Variants in ANXA2 observed in about 807,000 individuals in gnomAD.
ANXA2 encodes annexin A2.
In ANXA2, 28 loss-of-function variants were observed where a neutral mutation model predicts 47.3. The observed-to-expected ratio is 0.59, with a 90% CI of 0.44 to 0.81. ANXA2 has a LOEUF of 0.81. Ranked by LOEUF, ANXA2 falls within the 40% of genes least tolerant of loss-of-function variation. The pLI is 0.00. For synonymous variants in ANXA2, 172 were observed against 155.5 expected (o/e 1.11, Z -0.79); for missense variants, 384 against 414.3 (o/e 0.93, Z 0.64).
chr15:60,364,522 A>C lies in ANXA2; in HGVS notation c.150T>G (p.Gly50=). The change falls in exon 4 of 13, where the codon GGT becomes GGG. Residue 50 remains glycine (G), a splice_region_variant and synonymous_variant. Transcript: ENST00000451270. The stretch of plus-strand genomic sequence containing the variant: ...TGTTGACAATGGTGACCTCATCCAC[A>C]CCTATGGAAATACAAGTTGTTAATC... ...LNIETAIKTK[G]VDEVTIVNIL... 1 of 1,607,610 alleles carries C rather than the reference A, an allele frequency of 6.2e-7. No individual in the cohort carries two copies. Among genetic ancestry groups the C allele is most frequent in the Non-Finnish European group, 8.5e-7 (1 of 1,178,092 alleles).
chr15:60,361,015 G>A lies in ANXA2; in HGVS notation c.283C>T (p.Leu95=). Residue 95 remains leucine, a synonymous_variant, in exon 5 of 13, where the codon CTG becomes TTG. Coordinates refer to ENST00000451270, the MANE Select transcript of ANXA2 (RefSeq NM_004039.3). ...SALKSALSGH[L]ETVILGLLKT... is the part of the protein sequence containing the mutation. The stretch of plus-strand genomic sequence containing the variant: ...AATAGGCCCAAAATCACCGTCTCCA[G>A]GTGGCCAGATAAGGCTGACTTCAGT... 6 of 1,613,832 alleles carry A rather than the reference G, an allele frequency of 3.7e-6. No homozygotes were observed. The highest frequency in any genetic ancestry group is 5.1e-6 in the Non-Finnish European group (6 of 1,179,720).
chr15:60,366,083 GC>G (rs1413817647), intron 3 of ANXA2, among the ~76,000 whole-genome samples: 1 of 128,016 alleles, frequency 7.8e-6, no homozygotes, highest in Non-Finnish European at 1.7e-5. Context: ...GCTCCTAACC[GC>G]GAGTGATCCG....
chr15:60,362,420 T>C (rs752086951), intron 4 of ANXA2, among the ~76,000 whole-genome samples: 19 of 152,208 alleles, frequency 1.2e-4, no homozygotes, highest in Non-Finnish European at 2.4e-4. Context: ...TCCAGAAATG[T>C]ATGATAAATC....
chr15:60,349,879 A>G (rs149111041), intron 11 of ANXA2, among the ~76,000 whole-genome samples: 11,591 of 44,506 alleles, frequency 0.26, 828 homozygotes, highest in Middle Eastern at 0.35. Flanking sequence ...GGGGAAGGCA[A>G]GGAGGCAGGA....
chr15:60,355,671 G>C (rs2062417327), intron 7 of ANXA2: 1 of 559,156 alleles, frequency 1.8e-6, no homozygotes, highest in Non-Finnish European at 3.3e-6. Context: ...ATCCAGGCCA[G>C]GACTTGAGAG....
chr15:60,385,957 G>T, intron 2 of ANXA2, 71 bp downstream of exon 2: 1 of 996,268 alleles, frequency 1.0e-6, no homozygotes, highest in African/African-American at 1.6e-5. Flanking sequence ...TACAAGGATA[G>T]AGAGTAATAT....
intron 1 of ANXA2, chr15:60,386,303 CT>C: frequency 1.9e-6 from 1 of 520,658 alleles, no homozygotes; most frequent in East Asian, 3.3e-5. Flanking sequence ...ACTAGCCAGT[CT>C]TTCTCTTCCT....
chr15:60,347,726 A>G (rs535128748), intron 12 of ANXA2, 37 bp from the exon 13 acceptor site: 3 of 1,596,660 alleles, frequency 1.9e-6, no homozygotes, highest in South Asian at 2.2e-5. Context: ...ACGTGGTATC[A>G]GAAAAAAGCC....
chr15:60,386,434 T>C (rs1011769495), intron 1 of ANXA2: 5 of 179,160 alleles, frequency 2.8e-5, no homozygotes, highest in Non-Finnish European at 5.8e-5. Flanking sequence ...TAAAAGGTGA[T>C]GGGCTTGCCG....
chr15:60,396,815 T>C (rs2063086682), intron 1 of ANXA2, among the ~76,000 whole-genome samples: 1 of 152,236 alleles, frequency 6.6e-6, no homozygotes, highest in Non-Finnish European at 1.5e-5. Flanking sequence ...CTTAAGGTTC[T>C]TGGTAATGGC....
chr15:60,352,884 A>T lies in ANXA2; in HGVS notation c.589-408T>A. ...AGCTACAGACCAGGCTCTCATTCTC[A>T]AGCTTCTCAGAGACTCAGGGAGTGA... On this transcript the variant is annotated intron_variant, in intron 8 of 12. Transcript: ENST00000451270. The surrounding 1 kb of genome is among the most constrained non-coding windows in gnomAD (Gnocchi z 4.2). Among the ~76,000 whole-genome samples, 1 of 152,154 alleles carries T rather than the reference A, an allele frequency of 6.6e-6. No homozygotes were observed. The highest frequency in any genetic ancestry group is 1.5e-5 in the Non-Finnish European group (1 of 68,016).
Position 60,390,172 on chromosome 15 carries a change from A to C in ANXA2, c.-11-4086T>G, listed in dbSNP as rs534801631. Reference sequence around the variant, plus strand: ...TATAACCATTTTGCAGAAAAAAAAAACAAAACACAAACATCACAATAACCA... The same window carrying C: ...TATAACCATTTTGCAGAAAAAAAAACCAAAACACAAACATCACAATAACCA... On this transcript the variant is annotated intron_variant, in intron 1 of 12. Coordinates refer to ENST00000451270, the MANE Select transcript of ANXA2 (RefSeq NM_004039.3). 22 of 705,348 alleles carry C rather than the reference A, an allele frequency of 3.1e-5. No homozygotes were observed. In the African/African-American group the frequency reaches 4.2e-4, roughly 13 times the overall value. The allele number at this position is 705,348 out of a possible 1,614,324, so 43.7% of individuals were successfully genotyped here.
At chr15:60,362,847 G>C (rs2062535778) in intron 4 of ANXA2, 1 of 151,880 alleles carries the variant, frequency 6.6e-6, no homozygotes, top group African/African-American at 2.4e-5. Context: ...GTATGTGGGA[G>C]CTTTGTTCTA....
chr15:60,382,759 G>A (rs2140912379), intron 2 of ANXA2: 1 of 195,342 alleles, frequency 5.1e-6, no homozygotes. Flanking sequence ...GGATGGCTCT[G>A]AAGACCATTA....
chr15:60,392,963 A>G, intron 1 of ANXA2: 1 of 1,014,520 alleles, frequency 9.9e-7, no homozygotes, highest in Non-Finnish European at 1.2e-6. Context: ...AAAAAAAAAA[A>G]TGTACTGGGT....
At chr15:60,378,417 T>C (rs953136372) in intron 3 of ANXA2, among the ~76,000 whole-genome samples, 4 of 152,230 alleles carry the variant, frequency 2.6e-5, no homozygotes, top group African/African-American at 9.6e-5. Flanking sequence ...ATCTATGTAA[T>C]ATAGTTTTAC....
chr15:60,378,874 G>C (rs967052604), intron 3 of ANXA2, among the ~76,000 whole-genome samples: 1 of 151,848 alleles, frequency 6.6e-6, no homozygotes, highest in African/African-American at 2.4e-5. Context: ...GCTGAGGCAT[G>C]AGAATAGCTT....
chr15:60,351,498 C>A, intron 10 of ANXA2: 2 of 615,072 alleles, frequency 3.3e-6, no homozygotes, highest in Non-Finnish European at 5.8e-6. Flanking sequence ...CACAACACAC[C>A]CCTCTCTCCT....
chr15:60,392,942 T>TAAAAAAA, intron 1 of ANXA2: 1 of 860,796 alleles, frequency 1.2e-6, no homozygotes, highest in East Asian at 8.1e-5. Context: ...AATTTTAAAC[T>TAAAAAAA]AAAAAAAAAA....
Sources: allele counts gnomAD v4.1 joint callset (sites outside exome capture counted in the v4.1 genomes callset), GRCh38; gene constraint gnomAD v4.1.1; non-coding constraint Gnocchi (gnomAD v3.1); transcripts MANE v1.5; gene names NCBI Gene and HGNC (gene_info 2026-07-23, HGNC 2026-07-21).